KDM1B: variants seen among roughly 807,000 people sequenced by gnomAD.
KDM1B encodes the protein lysine-specific histone demethylase 2.
A neutral mutation model predicts 107.4 loss-of-function variants in KDM1B; 63 were observed. The observed-to-expected ratio is 0.59, with a 90% confidence interval of 0.48 to 0.72. KDM1B has a LOEUF of 0.72. Ranked by LOEUF, KDM1B falls within the 30% of genes least tolerant of loss-of-function variation. The probability of loss-of-function intolerance (pLI) is 0.00; values close to 1 mark genes in which losing one functional copy is unlikely to be tolerated. For synonymous variants in KDM1B, 363 were observed against 363.9 expected (o/e 1.00, Z 0.03); for missense variants, 749 against 1,020.8 (o/e 0.73, Z 3.63).
chr6:18,199,034 GAAAAA>G (rs1199733625), intron 12 of KDM1B, among the ~76,000 whole-genome samples: 1 of 109,820 alleles, frequency 9.1e-6, no homozygotes, highest in African/African-American at 3.4e-5. Flanking sequence ...AAAAAAAAAA[GAAAAA>G]AACAGAAAAT....
At chr6:18,180,260 C>T (rs772969299) in intron 7 of KDM1B, among the ~76,000 whole-genome samples, 1 of 151,960 alleles carries the variant, frequency 6.6e-6, no homozygotes, top group African/African-American at 2.4e-5. Flanking sequence ...ATACCATGAA[C>T]AGGCAGAGGG....
chr6:18,162,173 T>G lies in KDM1B; in HGVS notation c.216-662T>G, dbSNP rs908502698. Among the ~76,000 whole-genome samples the G allele has an allele frequency of 6.6e-6, 1 of 151,686 alleles. No homozygotes were observed. Among genetic ancestry groups the G allele is most frequent in the African/African-American group, 2.4e-5 (1 of 41,256 alleles). On this transcript the variant is annotated intron_variant, in intron 4 of 21. Transcript: ENST00000650836. The surrounding 1 kb of genome is among the most constrained non-coding windows in gnomAD (Gnocchi z 4.1). ...CTGTCTCTACTAAAAATACACAAATTAGCTGGGCACGGTGGCAGAAGCCTG... is the reference window on the plus strand; with the variant it reads ...CTGTCTCTACTAAAAATACACAAATGAGCTGGGCACGGTGGCAGAAGCCTG...
rs1396826382 is a variant in KDM1B at position 18,222,905 on chromosome 6, A to C, written c.*913A>C. The C allele has an allele frequency of 6.6e-6, 1 of 152,656 alleles. No individual in the cohort carries two copies. Among genetic ancestry groups the C allele is most frequent in the Non-Finnish European group, 1.5e-5 (1 of 68,034 alleles). The allele number at this position is 152,656 out of a possible 1,614,324, so 9.5% of individuals were successfully genotyped here. ...AATATTTTTGCAGATTTTTCTTTAC[A>C]GTATTCCATAGGCAGGTCCACTGGA... is the stretch of plus-strand genomic sequence containing the variant. On this transcript the variant is annotated 3_prime_UTR_variant, in exon 22 of 22. Transcript: ENST00000650836.
At chr6:18,157,392 T>C (rs1443411777) in intron 2 of KDM1B, among the ~76,000 whole-genome samples, 1 of 152,188 alleles carries the variant, frequency 6.6e-6, no homozygotes, top group Non-Finnish European at 1.5e-5. Flanking sequence ...TTGAATTCTT[T>C]GTTGCATTAA....
rs564322670 is a variant in KDM1B at position 18,162,600 on chromosome 6, T to C, written c.216-235T>C. ...CTATCATTGCCCCAAGGAGTCTTCT[T>C]AAGACTGCTAAGCCCCAGGCAGCCA... is the stretch of plus-strand genomic sequence containing the variant. On this transcript the variant is annotated intron_variant, in intron 4 of 21. Coordinates refer to ENST00000650836, the MANE Select transcript of KDM1B (RefSeq NM_001364614.2). The surrounding 1 kb of genome is among the most constrained non-coding windows in gnomAD (Gnocchi z 4.1). 3.7e-4 allele frequency among the ~76,000 whole-genome samples: 56 copies of C among 152,228 alleles called. No homozygotes were observed. The highest frequency in any genetic ancestry group is 1.3e-3 in the African/African-American group (54 of 41,552).
In KDM1B at chr6:18,201,397, A is replaced by C; in HGVS notation, c.1360-89A>C. 1 of 938,054 alleles carries C rather than the reference A, an allele frequency of 1.1e-6. No homozygotes were observed. The highest frequency in any genetic ancestry group is 1.6e-6 in the Non-Finnish European group (1 of 632,374). The allele number at this position is 938,054 out of a possible 1,614,324, so 58.1% of individuals were successfully genotyped here. ...TGAGAGATATGAGACCATTTTCTCCATGAGAGCTCTGTCTGATTTTCAGCT... is the reference window on the plus strand; with the variant it reads ...TGAGAGATATGAGACCATTTTCTCCCTGAGAGCTCTGTCTGATTTTCAGCT... On this transcript the variant is annotated intron_variant, in intron 13 of 21. Coordinates refer to ENST00000650836, the MANE Select transcript of KDM1B (RefSeq NM_001364614.2). The surrounding 1 kb of genome is among the most constrained non-coding windows in gnomAD (Gnocchi z 4.3).
chr6:18,200,464 G>C lies in KDM1B; in HGVS notation c.1247G>C (p.Arg416Thr), dbSNP rs368068425. 6.2e-7 allele frequency: 1 copy of C among 1,614,088 alleles called. No individual in the cohort carries two copies. The highest frequency in any genetic ancestry group is 8.5e-7 in the Non-Finnish European group (1 of 1,179,996). Residue 416 changes from arginine to threonine, a missense_variant, in exon 13 of 22, where the codon AGA becomes ACA. Coordinates refer to ENST00000650836, the MANE Select transcript of KDM1B (RefSeq NM_001364614.2). The surrounding 1 kb of genome is among the most constrained non-coding windows in gnomAD (Gnocchi z 4.3). ...GTGACTGTCCTGGAAGCCAAAGACAGAATTGGAGGCCGAGTCTGGGATGAT... is the reference window on the plus strand; with the variant it reads ...GTGACTGTCCTGGAAGCCAAAGACACAATTGGAGGCCGAGTCTGGGATGAT... ...IKVTVLEAKD[R>T]IGGRVWDDKS...
chr6:18,167,876 C>T (rs1204709733), intron 6 of KDM1B, among the ~76,000 whole-genome samples: 4 of 152,084 alleles, frequency 2.6e-5, no homozygotes, highest in African/African-American at 7.2e-5. Context: ...GATCCTCCCA[C>T]CTCAGCCGGC....
At chr6:18,173,959 T>TA (rs1785826103) in intron 7 of KDM1B, among the ~76,000 whole-genome samples, 2 of 152,098 alleles carry the variant, frequency 1.3e-5, no homozygotes, top group Non-Finnish European at 2.9e-5. Context: ...CTAATTTTTG[T>TA]ATTATTAGTA....
intron 7 of KDM1B, among the ~76,000 whole-genome samples, chr6:18,184,119 C>T (rs1422067034): frequency 6.6e-6 from 1 of 152,028 alleles, no homozygotes; most frequent in African/African-American, 2.4e-5. Flanking sequence ...TTAGAAGCCC[C>T]GTGTCACTTT....
chr6:18,183,613 T>C (rs1188643627), intron 7 of KDM1B, among the ~76,000 whole-genome samples: 2 of 152,110 alleles, frequency 1.3e-5, no homozygotes, highest in Admixed American at 1.3e-4. Flanking sequence ...TAATACGTAT[T>C]TCTGAAACCC....
intron 5 of KDM1B, among the ~76,000 whole-genome samples, chr6:18,165,559 AC>A (rs1276119731): frequency 2.0e-5 from 3 of 152,218 alleles, no homozygotes; most frequent in Non-Finnish European, 2.9e-5. Context: ...GCAGTGGCTC[AC>A]GCCTATAATC....
intron 7 of KDM1B, among the ~76,000 whole-genome samples, chr6:18,181,258 G>A (rs1786454258): frequency 6.6e-6 from 1 of 152,146 alleles, no homozygotes; most frequent in Admixed American, 6.6e-5. Flanking sequence ...TGTGTATACA[G>A]GGAGAAGGCC....
At chr6:18,181,934 C>T (rs539876157) in intron 7 of KDM1B, among the ~76,000 whole-genome samples, 2 of 152,092 alleles carry the variant, frequency 1.3e-5, no homozygotes, top group South Asian at 2.1e-4. Context: ...GTTTTCTTGG[C>T]GATTTTGTTA....
chr6:18,221,761 C>T (rs1789767311), intron 21 of KDM1B, 148 bp from the exon 22 acceptor site: 1 of 647,276 alleles, frequency 1.5e-6, no homozygotes, highest in East Asian at 2.7e-5. Flanking sequence ...CAGAAAAGTT[C>T]CAGTGTTACG....
chr6:18,179,843 T>A (rs147387074), intron 7 of KDM1B, among the ~76,000 whole-genome samples: 30,221 of 37,380 alleles, frequency 0.81, 12,421 homozygotes, highest in East Asian at 0.84. Context: ...AGCATTGGTT[T>A]TTTTTCCTTT....
chr6:18,223,283 AAC>A lies in KDM1B; in HGVS notation c.*1296_*1297del, dbSNP rs1406180917. 2.0e-5 allele frequency: 3 copies of A among 152,374 alleles called. No individual in the cohort carries two copies. In the East Asian group the frequency reaches 5.8e-4, roughly 29 times the overall value. The allele number at this position is 152,374 out of a possible 1,614,324, so 9.4% of individuals were successfully genotyped here. On this transcript the variant is annotated 3_prime_UTR_variant, in exon 22 of 22. Transcript: ENST00000650836. ...GTCAGTTTATAACGAGTAAATACCTAACACACCAAGAATGTGCAGTGAACCTC... is the reference window on the plus strand; with the variant it reads ...GTCAGTTTATAACGAGTAAATACCTAACACCAAGAATGTGCAGTGAACCTC...
Position 18,159,892 on chromosome 6 carries a change from T to G in KDM1B, c.-4T>G, listed in dbSNP as rs766166279. 1 of 1,587,308 alleles carries G rather than the reference T, an allele frequency of 6.3e-7. No homozygotes were observed. Among genetic ancestry groups the G allele is most frequent in the South Asian group, 1.1e-5 (1 of 88,106 alleles). ...GATTTTTCTTTTGCAGATTATTTAA[T>G]GTAATGGCAACTCCACGGGGGAGGA... On this transcript the variant is annotated 5_prime_UTR_variant, in exon 3 of 22. An upstream start codon of the reference 5' UTR is lost. Coordinates refer to ENST00000650836, the MANE Select transcript of KDM1B (RefSeq NM_001364614.2). This position sits in a 1 kb window ranked among gnomAD's most constrained non-coding sequence, Gnocchi z 4.5.
At chr6:18,192,574 A>G (rs1787349679) in intron 10 of KDM1B, among the ~76,000 whole-genome samples, 2 of 152,140 alleles carry the variant, frequency 1.3e-5, no homozygotes. Flanking sequence ...ATAGGTGCTC[A>G]GTAAACCAAA....
Sources: allele counts gnomAD v4.1 joint callset (sites outside exome capture counted in the v4.1 genomes callset), GRCh38; gene constraint gnomAD v4.1.1; non-coding constraint Gnocchi (gnomAD v3.1); transcripts MANE v1.5; gene names NCBI Gene and HGNC (gene_info 2026-07-23, HGNC 2026-07-21).